Variants in ABCA5 observed in about 807,000 individuals in gnomAD.
ABCA5 encodes the protein ATP binding cassette subfamily A member 5.
A neutral mutation model predicts 206.0 loss-of-function variants in ABCA5; 163 were observed. The ratio of observed to expected loss-of-function variants is 0.79; its 90% CI spans 0.70 to 0.90. ABCA5 has a LOEUF of 0.90. ABCA5 is among the 40% of genes least tolerant of loss of function. The pLI, the probability that ABCA5 is intolerant of heterozygous loss-of-function variation, is 0.00. For synonymous variants in ABCA5, 609 were observed against 613.8 expected (o/e 0.99, Z 0.11); for missense variants, 1,859 against 1,912.9 (o/e 0.97, Z 0.53).
At chr17:69,322,252 C>T (rs1435439240) in intron 1 of ABCA5, among the ~76,000 whole-genome samples, 3 of 150,798 alleles carry the variant, frequency 2.0e-5, no homozygotes, top group African/African-American at 7.3e-5. Flanking sequence ...CACCTGTAAT[C>T]CCAGCTACTC....
chr17:69,293,872 GCGTGTGTGTGTGTT>G (rs199778212), intron 11 of ABCA5, among the ~76,000 whole-genome samples: 11,148 of 68,768 alleles, frequency 0.16, 774 homozygotes, highest in East Asian at 0.44. Flanking sequence ...GTGTGTGTGT[GCGTGTGTGTGTGTT>G]TGTGTGTGTG....
rs773741039 is a variant in ABCA5 at position 69,285,983 on chromosome 17, T to C, written c.2187A>G (p.Gln729=). 1 of 1,613,252 alleles carries C rather than the reference T, an allele frequency of 6.2e-7. No individual in the cohort carries two copies. The highest frequency in any genetic ancestry group is 1.1e-5 in the South Asian group (1 of 91,016). ...ATESLSSLVK[Q]HIPGATLLQQ... ...GTAATAAAGTAGCTCCAGGTATATG[T>C]TGTTTAACCAGTGAAGAAAGAGATT... The change falls in exon 17 of 39, where the codon CAA becomes CAG. Residue 729 remains glutamine, a synonymous_variant. Coordinates refer to ENST00000392676, the MANE Select transcript of ABCA5 (RefSeq NM_172232.4).
intron 25 of ABCA5, 31 bp downstream of exon 25, chr17:69,261,604 G>C: frequency 1.0e-6 from 1 of 998,598 alleles, no homozygotes; most frequent in Non-Finnish European, 1.5e-6. Flanking sequence ...AACTGCTATG[G>C]AAAGTTGAAA....
At chr17:69,271,536 A>G (rs1053557127) in intron 20 of ABCA5, among the ~76,000 whole-genome samples, 1 of 152,106 alleles carries the variant, frequency 6.6e-6, no homozygotes, top group South Asian at 2.1e-4. Flanking sequence ...AGTGGGTAAA[A>G]TAAGTATATC....
rs762043935 is a variant in ABCA5 at position 69,309,432 on chromosome 17, TATC to T, written c.308-12_308-10del. 1.7e-5 allele frequency: 26 copies of T among 1,517,940 alleles called. No homozygotes were observed. The highest frequency in any genetic ancestry group is 1.0e-4 in the South Asian group (8 of 78,922). 94.0% of individuals were successfully genotyped at this position (1,517,940 alleles called of 1,614,324 possible). On this transcript the variant is annotated splice_polypyrimidine_tract_variant and intron_variant, in intron 3 of 38. Transcript: ENST00000392676. ...TTCTTCAGTAATTATGACTGTAAGA[TATC>T]ATAACAATATAGTTAGCTCACAAAT...
intron 28 of ABCA5, among the ~76,000 whole-genome samples, chr17:69,257,048 A>C (rs1410770537): frequency 6.6e-6 from 1 of 151,982 alleles, no homozygotes; most frequent in African/African-American, 2.4e-5. Flanking sequence ...GGCAAACAGA[A>C]GACATAATGG....
chr17:69,275,434 T>C (rs77257113), intron 19 of ABCA5, among the ~76,000 whole-genome samples: 9,361 of 152,190 alleles, frequency 0.062, 308 homozygotes, highest in African/African-American at 0.081. Flanking sequence ...AAATTTCACA[T>C]ACCCCGTAAT....
At chr17:69,275,874 G>A (rs373081610) in intron 19 of ABCA5, among the ~76,000 whole-genome samples, 14 of 152,160 alleles carry the variant, frequency 9.2e-5, no homozygotes, top group African/African-American at 2.7e-4. Flanking sequence ...ACACCAGAGG[G>A]TGCATGCCAG....
rs376806604 is a variant in ABCA5 at position 69,309,360 on chromosome 17, C to T, written c.371G>A (p.Ser124Asn). ...EMLTSSLSKP[S>N]NFVGVVFKDS... is the part of the protein sequence containing the mutation. ...TTTGAAAACCACACCTACAAAGTTG[C>T]TCGGCTTAGAGAGACTGGATGTTAA... The change falls in exon 4 of 39, where the codon AGC becomes AAC. Residue 124 changes from serine (S) to asparagine (N), a missense_variant. Ser to Asn is a conservative substitution (Grantham distance 46). Transcript: ENST00000392676. 5.0e-6 allele frequency: 8 copies of T among 1,606,000 alleles called. No individual in the cohort carries two copies. In the African/African-American group the frequency reaches 1.1e-4, roughly 22 times the overall value.
intron 3 of ABCA5, among the ~76,000 whole-genome samples, chr17:69,310,557 C>T (rs16973905): frequency 0.096 from 14,560 of 152,200 alleles, 739 homozygotes; most frequent in Non-Finnish European, 0.11. Flanking sequence ...GACACAACTC[C>T]TCCTTAAATA....
intron 6 of ABCA5, among the ~76,000 whole-genome samples, chr17:69,306,259 G>GA (rs1210950022): frequency 6.6e-6 from 1 of 151,630 alleles, no homozygotes; most frequent in African/African-American, 2.4e-5. Context: ...ACTTTCGAGG[G>GA]AAAAAAAGTC....
intron 34 of ABCA5, among the ~76,000 whole-genome samples, chr17:69,253,010 T>C (rs1417898870): frequency 6.6e-6 from 1 of 152,182 alleles, no homozygotes; most frequent in Non-Finnish European, 1.5e-5. Flanking sequence ...AATACCATTG[T>C]GTTACAACTG....
At chr17:69,298,217 A>T (rs1257657566) in intron 9 of ABCA5, among the ~76,000 whole-genome samples, 2 of 53,312 alleles carry the variant, frequency 3.8e-5, no homozygotes, top group Non-Finnish European at 9.0e-5. Flanking sequence ...TGTCGGAAGG[A>T]AGGAAGGTAG....
At chr17:69,316,073 G>A (rs769347807) in intron 1 of ABCA5, among the ~76,000 whole-genome samples, 13 of 152,122 alleles carry the variant, frequency 8.5e-5, no homozygotes, top group Non-Finnish European at 1.8e-4. Context: ...AACTCATGGA[G>A]TGGCTCAAAA....
intron 28 of ABCA5, among the ~76,000 whole-genome samples, chr17:69,258,141 C>A (rs1279455455): frequency 6.6e-6 from 1 of 151,900 alleles, no homozygotes; most frequent in Non-Finnish European, 1.5e-5. Context: ...ATATAACTAC[C>A]ATTCAACCCA....
At chr17:69,300,304 G>A (rs1179973774) in intron 9 of ABCA5, among the ~76,000 whole-genome samples, 1 of 152,190 alleles carries the variant, frequency 6.6e-6, no homozygotes, top group Non-Finnish European at 1.5e-5. Context: ...GATCTGACAG[G>A]AGGTGGAGCT....
At position 69,317,975 on chromosome 17, in the gene ABCA5, T is replaced by C. The variant is rs149803149; in HGVS notation, c.-15-3545A>G. ...AACAACAACAACAAAAAAATCCTGTTAAACCTTCCAGAGAAATTGCTGTGC... is the reference window on the plus strand; with the variant it reads ...AACAACAACAACAAAAAAATCCTGTCAAACCTTCCAGAGAAATTGCTGTGC... On this transcript the variant is annotated intron_variant, in intron 1 of 38. Transcript: ENST00000392676. Among the ~76,000 whole-genome samples, 32 of 152,276 alleles carry C rather than the reference T, an allele frequency of 2.1e-4. 1 individual carries two copies. The South Asian group carries it at 2.3e-3, about 11-fold the overall frequency.
chr17:69,271,343 G>A lies in ABCA5; in HGVS notation c.2765-54C>T, dbSNP rs527671679. On this transcript the variant is annotated intron_variant, in intron 20 of 38. Transcript: ENST00000392676. ...AAAATGAGTCTAAACGAGGCTTTTA[G>A]TAACACTGGGAAGATAATTCTATTT... 1.9e-5 allele frequency: 29 copies of A among 1,510,764 alleles called. No homozygotes were observed. The African/African-American group carries it at 3.8e-4, about 20-fold the overall frequency. 93.6% of individuals were successfully genotyped at this position (1,510,764 alleles called of 1,614,324 possible).
At chr17:69,267,880 A>G (rs2075228183) in intron 23 of ABCA5, 63 bp downstream of exon 23, 5 of 870,226 alleles carry the variant, frequency 5.7e-6, no homozygotes, top group South Asian at 1.6e-5. Flanking sequence ...CAATCAAGCA[A>G]ATAGGTTATT....
Sources: gnomAD v4.1 joint callset for allele counts (sites outside exome capture counted in the v4.1 genomes callset) on GRCh38, gnomAD v4.1.1 for gene constraint, MANE v1.5 for transcripts, NCBI Gene and HGNC (gene_info 2026-07-23, HGNC 2026-07-21) for gene names.